DOK6: variants seen among roughly 807,000 people sequenced by gnomAD.
The protein encoded by DOK6 is docking protein 6.
In DOK6, 22 loss-of-function variants were observed where a neutral mutation model predicts 44.0. The ratio of observed to expected loss-of-function variants is 0.50; its 90% CI spans 0.36 to 0.71. The LOEUF (loss-of-function observed/expected upper bound fraction) is 0.71. Ranked by LOEUF, DOK6 falls within the 30% of genes least tolerant of loss-of-function variation. The pLI is 0.00. For synonymous variants in DOK6, 166 were observed against 145.5 expected, an observed-to-expected ratio of 1.14 and a Z score of -1.01; for missense variants, 340 against 416.4, an observed-to-expected ratio of 0.82 and a Z score of 1.60.
chr18:69,593,997 GT>G (rs1983681397), intron 2 of DOK6, among the ~76,000 whole-genome samples: 1 of 151,958 alleles, frequency 6.6e-6, no homozygotes, highest in African/African-American at 2.4e-5. Flanking sequence ...AATTTATTTT[GT>G]TGTAATAAAA....
chr18:69,819,602 G>A (rs1357028632), intron 7 of DOK6, among the ~76,000 whole-genome samples: 1 of 152,106 alleles, frequency 6.6e-6, no homozygotes, highest in East Asian at 1.9e-4. Flanking sequence ...AATGTTATAC[G>A]ACAAACCTGT....
At chr18:69,732,115 G>GA (rs1978426914) in intron 5 of DOK6, among the ~76,000 whole-genome samples, 1 of 152,024 alleles carries the variant, frequency 6.6e-6, no homozygotes, top group Non-Finnish European at 1.5e-5. Flanking sequence ...TCAGAAACTA[G>GA]AAAATCAATA....
chr18:69,759,072 C>T (rs769765932), intron 7 of DOK6, among the ~76,000 whole-genome samples: 2 of 150,988 alleles, frequency 1.3e-5, no homozygotes, highest in Admixed American at 6.6e-5. Flanking sequence ...CTCTTATGGC[C>T]AACCTGACTG....
intron 3 of DOK6, among the ~76,000 whole-genome samples, chr18:69,645,845 C>G (rs1186904296): frequency 6.6e-6 from 1 of 152,040 alleles, no homozygotes; most frequent in Non-Finnish European, 1.5e-5. Flanking sequence ...CTGAGTTTTT[C>G]TTTTTTAAAT....
chr18:69,429,018 C>T (rs2122419661), intron 1 of DOK6, among the ~76,000 whole-genome samples: 1 of 152,296 alleles, frequency 6.6e-6, no homozygotes, highest in South Asian at 2.1e-4. Flanking sequence ...GATGAAAGGC[C>T]TAACATTGCT....
At chr18:69,627,542 G>A (rs1003469348) in intron 3 of DOK6, among the ~76,000 whole-genome samples, 22 of 152,054 alleles carry the variant, frequency 1.4e-4, no homozygotes, top group African/African-American at 3.9e-4. Context: ...TCTGCCTCCC[G>A]GGTTCACGCC....
intron 7 of DOK6, among the ~76,000 whole-genome samples, chr18:69,824,002 CAG>C (rs1472274279): frequency 1.3e-5 from 2 of 152,060 alleles, no homozygotes; most frequent in African/African-American, 4.8e-5. Context: ...AAAAAGCAAA[CAG>C]AAACTTACAT....
At chr18:69,475,101 G>T (rs1215317315) in intron 1 of DOK6, among the ~76,000 whole-genome samples, 2 of 152,110 alleles carry the variant, frequency 1.3e-5, no homozygotes, top group African/African-American at 2.4e-5. Flanking sequence ...CTCCTGAAGG[G>T]ATGATGTAGC....
At chr18:69,738,855 G>T in intron 5 of DOK6, 110 bp from the exon 6 acceptor site, 1 of 1,378,324 alleles carries the variant, frequency 7.3e-7, no homozygotes, top group Non-Finnish European at 9.9e-7. Flanking sequence ...ACTAACTCCT[G>T]TGGAGGTCAG....
chr18:69,401,358 G>A, intron 1 of DOK6, 48 bp downstream of exon 1: 7 of 1,430,692 alleles, frequency 4.9e-6, no homozygotes, highest in South Asian at 2.9e-5. Context: ...CGTTCGGCCC[G>A]GCTGGCTGCC....
At chr18:69,624,909 T>C (rs1984522551) in intron 3 of DOK6, among the ~76,000 whole-genome samples, 1 of 152,116 alleles carries the variant, frequency 6.6e-6, no homozygotes, top group Non-Finnish European at 1.5e-5. Context: ...TCCCAAACAT[T>C]TTGAAGATTA....
intron 1 of DOK6, among the ~76,000 whole-genome samples, chr18:69,468,692 G>A (rs1979998594): frequency 6.6e-6 from 1 of 152,158 alleles, no homozygotes. Flanking sequence ...AATGTCATAT[G>A]ATATACAATC....
intron 1 of DOK6, among the ~76,000 whole-genome samples, chr18:69,562,679 C>T (rs1285418255): frequency 3.9e-5 from 6 of 152,156 alleles, no homozygotes; most frequent in Non-Finnish European, 7.3e-5. Flanking sequence ...AAATGTCAGA[C>T]CTAAAACCAT....
chr18:69,416,982 A>G (rs1056885986), intron 1 of DOK6, among the ~76,000 whole-genome samples: 1 of 152,176 alleles, frequency 6.6e-6, no homozygotes, highest in Non-Finnish European at 1.5e-5. Flanking sequence ...TATGGAATAC[A>G]TGTAATATTT....
intron 2 of DOK6, among the ~76,000 whole-genome samples, chr18:69,567,141 C>T (rs1983002358): frequency 6.6e-6 from 1 of 152,164 alleles, no homozygotes; most frequent in Non-Finnish European, 1.5e-5. Context: ...GTTAGCCTGG[C>T]ATGGAACTCC....
intron 1 of DOK6, among the ~76,000 whole-genome samples, chr18:69,493,445 G>T (rs1018673226): frequency 6.6e-6 from 1 of 152,144 alleles, no homozygotes; most frequent in African/African-American, 2.4e-5. Flanking sequence ...TAGAAATTCA[G>T]ATATTCAGCC....
At chr18:69,697,376 A>T (rs1239684935) in intron 4 of DOK6, among the ~76,000 whole-genome samples, 1 of 152,062 alleles carries the variant, frequency 6.6e-6, no homozygotes, top group East Asian at 1.9e-4. Flanking sequence ...TTAAATCCTA[A>T]CCCACAGAGG....
rs1568256610 is a variant in DOK6 at position 69,435,081 on chromosome 18, AGG to A, written c.66+33772_66+33773del. On this transcript the variant is annotated intron_variant, in intron 1 of 7. Transcript: ENST00000382713. ...AAGGAAGGAAGGAAGGAAGGAAGGAAGGAAGGAAGGAAAGAAGGAAGAAAGAA... is the reference window on the plus strand; with the variant it reads ...AAGGAAGGAAGGAAGGAAGGAAGGAAAAGGAAGGAAAGAAGGAAGAAAGAA... Among the ~76,000 whole-genome samples the A allele has an allele frequency of 9.5e-4, 142 of 149,798 alleles. 1 individual carries two copies. Among genetic ancestry groups the A allele is most frequent in the Middle Eastern group, 3.5e-3 (1 of 286 alleles).
chr18:69,544,347 A>C (rs1982346280), intron 1 of DOK6, among the ~76,000 whole-genome samples: 1 of 151,692 alleles, frequency 6.6e-6, no homozygotes, highest in South Asian at 2.1e-4. Context: ...TGATGCTTTC[A>C]TACATTTTTC....
Sources: allele counts gnomAD v4.1 joint callset (sites outside exome capture counted in the v4.1 genomes callset), GRCh38; gene constraint gnomAD v4.1.1; transcripts MANE v1.5; gene names NCBI Gene and HGNC (gene_info 2026-07-23, HGNC 2026-07-21).